The following FGD4 variants were observed in gnomAD, a reference collection of about 807,000 sequenced individuals.
FGD4 encodes FYVE, RhoGEF and PH domain containing 4.
A neutral mutation model predicts 102.0 loss-of-function variants in FGD4; 42 were observed. The observed-to-expected ratio is 0.41, with a 90% CI of 0.32 to 0.53. FGD4 has a LOEUF of 0.53. Among genes scored for constraint, FGD4 ranks in the 20% least tolerant of loss-of-function variants. The pLI is 0.21. For synonymous variants in FGD4, 380 were observed against 375.7 expected (o/e 1.01, Z -0.13); for missense variants, 902 against 1,078.2 (o/e 0.84, Z 2.29).
At chr12:32,554,592 T>TA (rs1223954781) in intron 1 of FGD4, among the ~76,000 whole-genome samples, 1 of 151,782 alleles carries the variant, frequency 6.6e-6, no homozygotes, top group Non-Finnish European at 1.5e-5. Context: ...CAATAAACAA[T>TA]AAAAAAAGTA....
At chr12:32,595,264 T>C (rs1195697446) in intron 4 of FGD4, among the ~76,000 whole-genome samples, 6 of 152,180 alleles carry the variant, frequency 3.9e-5, no homozygotes, top group African/African-American at 1.2e-4. Context: ...TAAGTAGTAA[T>C]TGCTTAAAAA....
intron 4 of FGD4, among the ~76,000 whole-genome samples, chr12:32,587,227 C>T (rs937013457): frequency 1.3e-5 from 2 of 148,516 alleles, no homozygotes; most frequent in Non-Finnish European, 3.0e-5. Context: ...GGAAGCATTA[C>T]GATTTATTGG....
chr12:32,438,692 A>C (rs1809913), intron 1 of FGD4, among the ~76,000 whole-genome samples: 1 of 149,700 alleles, frequency 6.7e-6, no homozygotes, highest in African/African-American at 2.5e-5. Flanking sequence ...TGCAACCTCC[A>C]CCTCCCGGGT....
At chr12:32,529,100 C>A (rs545376232) in intron 1 of FGD4, among the ~76,000 whole-genome samples, 1 of 152,150 alleles carries the variant, frequency 6.6e-6, no homozygotes, top group Non-Finnish European at 1.5e-5. Flanking sequence ...GCCTCGGAGA[C>A]GTGCAAAATG....
chr12:32,513,081 A>G (rs1437101242), intron 1 of FGD4, among the ~76,000 whole-genome samples: 1 of 152,202 alleles, frequency 6.6e-6, no homozygotes, highest in Non-Finnish European at 1.5e-5. Flanking sequence ...AGAAACTACA[A>G]TGTATGATGC....
At chr12:32,607,790 A>C in intron 7 of FGD4, 167 bp from the exon 8 acceptor site, 1 of 697,622 alleles carries the variant, frequency 1.4e-6, no homozygotes, top group Non-Finnish European at 2.4e-6. Flanking sequence ...CTGGGATTAC[A>C]GGTGTGAGAC....
At chr12:32,464,784 T>C (rs1433035899) in intron 1 of FGD4, among the ~76,000 whole-genome samples, 4 of 152,208 alleles carry the variant, frequency 2.6e-5, no homozygotes, top group Non-Finnish European at 4.4e-5. Context: ...ATAGAGCAAG[T>C]GTAATGTGAC....
intron 12 of FGD4, 144 bp from the exon 13 acceptor site, chr12:32,624,832 G>T: frequency 1.4e-6 from 1 of 727,222 alleles, no homozygotes; most frequent in Non-Finnish European, 2.4e-6. Context: ...ATATATTGTT[G>T]TGTGTGTTTT....
At chr12:32,422,012 C>T (rs564534200) in intron 1 of FGD4, among the ~76,000 whole-genome samples, 9 of 151,204 alleles carry the variant, frequency 6.0e-5, no homozygotes, top group Middle Eastern at 3.4e-3. Flanking sequence ...GGTGTGGTGG[C>T]GGGCACCTGT....
At chr12:32,527,045 GAT>G (rs925054241) in intron 1 of FGD4, among the ~76,000 whole-genome samples, 3 of 152,194 alleles carry the variant, frequency 2.0e-5, no homozygotes, top group African/African-American at 4.8e-5. Flanking sequence ...GATATATATT[GAT>G]ATGTTTTGGA....
At chr12:32,502,633 A>G (rs1159612807) in intron 1 of FGD4, among the ~76,000 whole-genome samples, 1 of 152,236 alleles carries the variant, frequency 6.6e-6, no homozygotes, top group East Asian at 1.9e-4. Context: ...AATGAATTAC[A>G]CTGGTATTCT....
chr12:32,624,612 A>G (rs770670012), intron 12 of FGD4, 160 bp downstream of exon 12: 46 of 704,380 alleles, frequency 6.5e-5, no homozygotes, highest in Non-Finnish European at 1.1e-4. Context: ...CTGGGACTAT[A>G]GGCGTGCACC....
chr12:32,564,035 G>T (rs1225999447), intron 1 of FGD4, 102 bp from the exon 2 acceptor site: 2 of 1,060,750 alleles, frequency 1.9e-6, no homozygotes, highest in Admixed American at 2.7e-5. Context: ...GAGGGAGGGG[G>T]AGGGGGAGGG....
At chr12:32,438,793 A>G (rs1942325137) in intron 1 of FGD4, among the ~76,000 whole-genome samples, 1 of 151,878 alleles carries the variant, frequency 6.6e-6, no homozygotes, top group Non-Finnish European at 1.5e-5. Context: ...TTTTTTTAGT[A>G]GAGACGGGGT....
At chr12:32,598,879 G>C (rs1948121076) in intron 5 of FGD4, among the ~76,000 whole-genome samples, 1 of 152,134 alleles carries the variant, frequency 6.6e-6, no homozygotes, top group Non-Finnish European at 1.5e-5. Context: ...TTGTCATCCT[G>C]GGGACCATGT....
At chr12:32,502,252 T>C in intron 1 of FGD4, 1 of 985,454 alleles carries the variant, frequency 1.0e-6, no homozygotes, top group Non-Finnish European at 1.2e-6. Context: ...GAGGCTTGCT[T>C]TGGCTCGCTG....
At chr12:32,615,079 G>A (rs1949366068) in intron 10 of FGD4, among the ~76,000 whole-genome samples, 3 of 152,262 alleles carry the variant, frequency 2.0e-5, no homozygotes, top group Non-Finnish European at 2.9e-5. Flanking sequence ...CAACCTAAAT[G>A]TCCATTAACT....
At chr12:32,639,632 T>G (rs1214880423) in intron 16 of FGD4, among the ~76,000 whole-genome samples, 2 of 152,214 alleles carry the variant, frequency 1.3e-5, no homozygotes, top group African/African-American at 4.8e-5. Flanking sequence ...AACAATGATA[T>G]GCAGGTTTAG....
chr12:32,433,489 C>T (rs1942121680), intron 1 of FGD4, among the ~76,000 whole-genome samples: 1 of 152,028 alleles, frequency 6.6e-6, no homozygotes, highest in African/African-American at 2.4e-5. Flanking sequence ...GCTGGGATTA[C>T]AGGCACCTGC....
Sources: gnomAD v4.1 joint callset for allele counts (sites outside exome capture counted in the v4.1 genomes callset) on GRCh38, gnomAD v4.1.1 for gene constraint, MANE v1.5 for transcripts, NCBI Gene and HGNC (gene_info 2026-07-23, HGNC 2026-07-21) for gene names.